EFL1: variants seen among roughly 807,000 people sequenced by gnomAD.
EFL1 encodes elongation factor like GTPase 1.
In EFL1, 76 loss-of-function variants were observed where a neutral mutation model predicts 126.7. That is an observed-to-expected ratio of 0.60 (90% CI 0.50 to 0.73). EFL1 has a LOEUF of 0.73. Among genes scored for constraint, EFL1 ranks in the 30% least tolerant of loss-of-function variants. The pLI, the probability that EFL1 is intolerant of heterozygous loss-of-function variation, is 0.00. For synonymous variants in EFL1, 410 were observed against 448.4 expected, an observed-to-expected ratio of 0.91 and a Z score of 1.08; for missense variants, 1,128 against 1,343.2, an observed-to-expected ratio of 0.84 and a Z score of 2.50.
chr15:82,130,412 C>T lies in EFL1; in HGVS notation c.3324G>A (p.Glu1108=). ...TGAGTGTCCTCTGCTTTTCTGCATGCTCCACAATCTTTTCTTCCACATAAA... is the reference window on the plus strand; with the variant it reads ...TGAGTGTCCTCTGCTTTTCTGCATGTTCCACAATCTTTTCTTCCACATAAA... ...KGLYVEEKIV[E]HAEKQRTLSK... Residue 1108 remains glutamate (E), a synonymous_variant, in exon 20 of 20, where the codon GAG becomes GAA. Transcript: ENST00000268206. 2 of 1,614,148 alleles carry T rather than the reference C, an allele frequency of 1.2e-6. No homozygotes were observed. Among genetic ancestry groups the T allele is most frequent in the Non-Finnish European group, 1.7e-6 (2 of 1,180,024 alleles).
chr15:82,137,019 A>ATT (rs35359986), intron 19 of EFL1, among the ~76,000 whole-genome samples: 1 of 146,316 alleles, frequency 6.8e-6, no homozygotes, highest in African/African-American at 2.5e-5. Flanking sequence ...TAAGAATGTG[A>ATT]TTTTTTTTTT....
intron 15 of EFL1, among the ~76,000 whole-genome samples, chr15:82,213,791 A>T (rs558660389): frequency 1.8e-4 from 27 of 152,324 alleles, no homozygotes; most frequent in Middle Eastern, 3.4e-3. Context: ...GTTAAATGGC[A>T]TTTTCCAAAG....
chr15:82,178,949 T>C (rs1298254160), intron 15 of EFL1, among the ~76,000 whole-genome samples: 24 of 151,942 alleles, frequency 1.6e-4, no homozygotes, highest in East Asian at 1.9e-4. Flanking sequence ...CTGGGAAACA[T>C]AGCAAGACTC....
rs2073624516 is a variant in EFL1 at position 82,130,317 on chromosome 15, C to T, written c.*56G>A. 2.6e-6 allele frequency: 4 copies of T among 1,565,276 alleles called. No homozygotes were observed. Among genetic ancestry groups the T allele is most frequent in the Non-Finnish European group, 2.6e-6 (3 of 1,153,380 alleles). On this transcript the variant is annotated 3_prime_UTR_variant, in exon 20 of 20. Transcript: ENST00000268206. Reference sequence around the variant, plus strand: ...AAAAGAAATTTTCCCAATATTAAACCCTTGATGATACTTTTAAATTCACTA... The same window carrying T: ...AAAAGAAATTTTCCCAATATTAAACTCTTGATGATACTTTTAAATTCACTA...
At chr15:82,180,951 C>T (rs2074245913) in intron 15 of EFL1, among the ~76,000 whole-genome samples, 1 of 152,108 alleles carries the variant, frequency 6.6e-6, no homozygotes, top group African/African-American at 2.4e-5. Flanking sequence ...TGGTCTCGAA[C>T]TTCTGGGCTC....
chr15:82,244,236 G>A (rs1301932984), intron 4 of EFL1, among the ~76,000 whole-genome samples: 1 of 152,064 alleles, frequency 6.6e-6, no homozygotes, highest in Non-Finnish European at 1.5e-5. Context: ...CAGCTCTTCT[G>A]CTGTGACTTC....
intron 14 of EFL1, among the ~76,000 whole-genome samples, chr15:82,216,438 G>A (rs781064218): frequency 2.6e-5 from 4 of 152,096 alleles, no homozygotes; most frequent in Admixed American, 6.6e-5. Context: ...AGAAAAACAC[G>A]GTAAAGGGAT....
intron 18 of EFL1, among the ~76,000 whole-genome samples, chr15:82,139,513 A>AT (rs1188243531): frequency 6.6e-6 from 1 of 152,182 alleles, no homozygotes; most frequent in Non-Finnish European, 1.5e-5. Context: ...TTTAGGCACA[A>AT]TTCTGCCTCA....
In EFL1 at chr15:82,157,789, G is replaced by A. The variant is rs2073983342; in HGVS notation, c.1954C>T (p.Gln652Ter). Residue 652 changes from glutamine (Q) to a stop codon, truncating the protein, a stop_gained, in exon 17 of 20, where the codon CAG becomes TAG. Transcript: ENST00000268206. LOFTEE classifies it high-confidence loss of function. Reference protein sequence around the residue: ...QADPCVQILIQETGEHVLVTA... With the variant: ...QADPCVQILI ...ACTAAAACGTGCTCTCCCGTTTCCT[G>A]AATTAAAATCTGGACACAGGGATCA... 2 of 1,614,052 alleles carry A rather than the reference G, an allele frequency of 1.2e-6. No homozygotes were observed. Among genetic ancestry groups the A allele is most frequent in the Non-Finnish European group, 1.7e-6 (2 of 1,179,952 alleles).
chr15:82,144,966 T>G (rs1314814840), intron 18 of EFL1, among the ~76,000 whole-genome samples: 1 of 148,096 alleles, frequency 6.8e-6, no homozygotes, highest in African/African-American at 2.5e-5. Flanking sequence ...GTACTCCAGC[T>G]GGGCAACAGA....
chr15:82,245,869 G>A (rs1288510003), intron 4 of EFL1, among the ~76,000 whole-genome samples: 1 of 151,362 alleles, frequency 6.6e-6, no homozygotes, highest in Non-Finnish European at 1.5e-5. Flanking sequence ...TAGGAGTTCT[G>A]GGCTGCAGTG....
At chr15:82,162,136 G>A (rs1348385149) in intron 16 of EFL1, among the ~76,000 whole-genome samples, 1 of 151,972 alleles carries the variant, frequency 6.6e-6, no homozygotes, top group Non-Finnish European at 1.5e-5. Flanking sequence ...AATTAGCTGG[G>A]TATGGTGACA....
intron 8 of EFL1, 60 bp from the exon 9 acceptor site, chr15:82,229,170 C>T (rs929400512): frequency 4.9e-6 from 6 of 1,234,548 alleles, no homozygotes; most frequent in Non-Finnish European, 4.5e-6. Flanking sequence ...TTATATATTC[C>T]TTCTTGACAT....
At chr15:82,206,128 G>C (rs1227511213) in intron 15 of EFL1, among the ~76,000 whole-genome samples, 1 of 152,080 alleles carries the variant, frequency 6.6e-6, no homozygotes, top group Non-Finnish European at 1.5e-5. Flanking sequence ...ATATGATAAA[G>C]AGAATATAGC....
intron 15 of EFL1, among the ~76,000 whole-genome samples, chr15:82,189,551 C>G (rs907706794): frequency 6.6e-6 from 1 of 152,036 alleles, no homozygotes; most frequent in Non-Finnish European, 1.5e-5. Context: ...TCTGGATGTT[C>G]TAGAATATTT....
chr15:82,246,036 C>A (rs1379221297), intron 4 of EFL1, among the ~76,000 whole-genome samples: 1 of 151,984 alleles, frequency 6.6e-6, no homozygotes, highest in Non-Finnish European at 1.5e-5. Context: ...GCTGCACAAA[C>A]CCGACCCGAA....
At chr15:82,180,368 AAAAACAAAAAAAAAAC>A (rs889126413) in intron 15 of EFL1, among the ~76,000 whole-genome samples, 4 of 105,964 alleles carry the variant, frequency 3.8e-5, no homozygotes, top group African/African-American at 2.2e-4. Context: ...GCAAAAAAAA[AAAAACAAAAAAAAAAC>A]AAACAAAAAA....
chr15:82,224,267 A>G (rs534177878), intron 12 of EFL1, among the ~76,000 whole-genome samples: 2 of 152,216 alleles, frequency 1.3e-5, no homozygotes, highest in African/African-American at 2.4e-5. Context: ...ATTATTTAAT[A>G]CTTATTTAAA....
At chr15:82,211,583 A>ACACACACACACACAC (rs1567064816) in intron 15 of EFL1, among the ~76,000 whole-genome samples, 9 of 56,236 alleles carry the variant, frequency 1.6e-4, no homozygotes, top group African/African-American at 1.0e-3. Context: ...CACACACACT[A>ACACACACACACACAC]GACACATACT....
Sources: allele counts gnomAD v4.1 joint callset (sites outside exome capture counted in the v4.1 genomes callset), GRCh38; gene constraint gnomAD v4.1.1; transcripts MANE v1.5; gene names NCBI Gene and HGNC (gene_info 2026-07-23, HGNC 2026-07-21).